TBC1D22A: variants seen among roughly 807,000 people sequenced by gnomAD.
TBC1D22A encodes putative GTPase activator.
TBC1D22A carries 38 observed loss-of-function variants against 60.2 expected under a neutral mutation model. That is an observed-to-expected ratio of 0.63 (90% CI 0.49 to 0.83). The LOEUF is 0.83. TBC1D22A is among the 40% of genes least tolerant of loss of function. TBC1D22A has a pLI of 0.00. For synonymous variants in TBC1D22A, 302 were observed against 281.7 expected, an observed-to-expected ratio of 1.07 and a Z score of -0.72; for missense variants, 628 against 701.0, an observed-to-expected ratio of 0.90 and a Z score of 1.18.
At chr22:46,810,287 G>A (rs755178593) in intron 4 of TBC1D22A, among the ~76,000 whole-genome samples, 4 of 152,116 alleles carry the variant, frequency 2.6e-5, no homozygotes, top group South Asian at 2.1e-4. Flanking sequence ...AATCTCCTTC[G>A]CTCCCGACCC....
At chr22:47,038,075 G>A (rs943915077) in intron 11 of TBC1D22A, among the ~76,000 whole-genome samples, 2 of 152,124 alleles carry the variant, frequency 1.3e-5, no homozygotes, top group African/African-American at 2.4e-5. Context: ...CATTTTGTTC[G>A]AGATGTTTGC....
chr22:46,946,058 TTGGC>T (rs1035797911), intron 8 of TBC1D22A, among the ~76,000 whole-genome samples: 3 of 152,250 alleles, frequency 2.0e-5, no homozygotes, highest in African/African-American at 7.2e-5. Context: ...CTGCACAGTA[TTGGC>T]TCTTATCGTT....
At chr22:46,956,793 G>T (rs2073219060) in intron 8 of TBC1D22A, among the ~76,000 whole-genome samples, 1 of 152,252 alleles carries the variant, frequency 6.6e-6, no homozygotes, top group Non-Finnish European at 1.5e-5. Flanking sequence ...GGCTTTAGGT[G>T]AGGCACTTCC....
At chr22:46,836,693 T>C (rs1490471190) in intron 4 of TBC1D22A, among the ~76,000 whole-genome samples, 1 of 151,970 alleles carries the variant, frequency 6.6e-6, no homozygotes, top group African/African-American at 2.4e-5. Flanking sequence ...AGTGACTGAA[T>C]AGATTAAAAA....
intron 8 of TBC1D22A, among the ~76,000 whole-genome samples, chr22:46,953,250 T>C (rs2073014924): frequency 6.6e-6 from 1 of 152,252 alleles, no homozygotes; most frequent in African/African-American, 2.4e-5. Context: ...TATGTTTTAT[T>C]GCTCAGATTG....
intron 11 of TBC1D22A, among the ~76,000 whole-genome samples, chr22:47,082,124 C>T (rs1156856695): frequency 4.6e-5 from 7 of 152,146 alleles, no homozygotes; most frequent in African/African-American, 7.2e-5. Context: ...CGCCACTGCA[C>T]TCCAGCCTGG....
At chr22:46,878,837 G>A (rs2067704180) in intron 5 of TBC1D22A, 114 bp downstream of exon 5, 1 of 940,794 alleles carries the variant, frequency 1.1e-6, no homozygotes, top group African/African-American at 1.6e-5. Context: ...TGGCTTTGTT[G>A]CAGTGATAAA....
At chr22:47,141,614 G>A (rs921309162) in intron 12 of TBC1D22A, among the ~76,000 whole-genome samples, 1 of 152,186 alleles carries the variant, frequency 6.6e-6, no homozygotes, top group Non-Finnish European at 1.5e-5. Context: ...ATGTCTTCCG[G>A]AAGGCCCTCC....
At chr22:46,816,571 T>A (rs530717314) in intron 4 of TBC1D22A, among the ~76,000 whole-genome samples, 1 of 152,274 alleles carries the variant, frequency 6.6e-6, no homozygotes, top group East Asian at 1.9e-4. Flanking sequence ...TGGGGCACAT[T>A]GTGTGTGAGG....
chr22:46,981,642 C>T (rs904792606), intron 9 of TBC1D22A, among the ~76,000 whole-genome samples: 1 of 152,200 alleles, frequency 6.6e-6, no homozygotes, highest in Non-Finnish European at 1.5e-5. Flanking sequence ...CTCCCTGCTG[C>T]CCTGCAAAGA....
intron 11 of TBC1D22A, among the ~76,000 whole-genome samples, chr22:47,038,188 A>G (rs1410536943): frequency 6.6e-6 from 1 of 152,244 alleles, no homozygotes; most frequent in East Asian, 1.9e-4. Flanking sequence ...ATCTCTACAG[A>G]GTGCTAAAGA....
chr22:46,847,932 TGTGTGTGTGTGTGTGTGTGTGTGCGC>T (rs1189572483), intron 4 of TBC1D22A, among the ~76,000 whole-genome samples: 35 of 123,570 alleles, frequency 2.8e-4, no homozygotes, highest in African/African-American at 1.2e-3. Flanking sequence ...TGTGTGTGTG[TGTGTGTGTGTGTGTGTGTGTGTGCGC>T]GCGCGCACGC....
chr22:47,113,236 C>A (rs1359198563), intron 12 of TBC1D22A, among the ~76,000 whole-genome samples: 5 of 152,184 alleles, frequency 3.3e-5, no homozygotes, highest in Admixed American at 3.3e-4. Flanking sequence ...TCCCGGAGAG[C>A]CTCCCAGGGG....
intron 4 of TBC1D22A, among the ~76,000 whole-genome samples, chr22:46,835,909 T>G (rs1025226156): frequency 2.6e-5 from 4 of 152,204 alleles, no homozygotes; most frequent in Admixed American, 2.6e-4. Context: ...ACTTTGTATG[T>G]CAGGAGTGAA....
chr22:46,943,495 C>T (rs937531512), intron 8 of TBC1D22A, among the ~76,000 whole-genome samples: 2 of 152,212 alleles, frequency 1.3e-5, no homozygotes, highest in Admixed American at 1.3e-4. Flanking sequence ...TGCTGGTCCG[C>T]CAGGACTGGA....
chr22:46,893,368 C>T (rs536814718), intron 6 of TBC1D22A, among the ~76,000 whole-genome samples: 76 of 152,270 alleles, frequency 5.0e-4, no homozygotes, highest in African/African-American at 1.7e-3. Context: ...TGGAGGGGTG[C>T]ACAGAGCCCC....
At position 47,028,358 on chromosome 22, in the gene TBC1D22A, G is replaced by GAATGAATCTGGTATGACC. The variant is rs1264919488; in HGVS notation, c.1202-8713_1202-8712insAATGAATCTGGTATGACC. 6.6e-6 allele frequency among the ~76,000 whole-genome samples: 1 copy of GAATGAATCTGGTATGACC among 151,136 alleles called. No individual in the cohort carries two copies. On this transcript the variant is annotated intron_variant, in intron 10 of 12. Transcript: ENST00000337137. This position sits in a 1 kb window ranked among gnomAD's most constrained non-coding sequence, Gnocchi z 4.4. ...TCGGTCCCTGTCCCCCACGGCCCAGGTTCTGAGAGTGAGTGGTCGCATTCC... is the reference window on the plus strand; with the variant it reads ...TCGGTCCCTGTCCCCCACGGCCCAGGAATGAATCTGGTATGACCTTCTGAGAGTGAGTGGTCGCATTCC...
chr22:46,972,617 G>C (rs146322946), intron 8 of TBC1D22A, among the ~76,000 whole-genome samples: 1 of 152,202 alleles, frequency 6.6e-6, no homozygotes, highest in African/African-American at 2.4e-5. Flanking sequence ...AGGCAGGTTC[G>C]TGGTTGCCAG....
At chr22:46,945,133 G>C (rs181854315) in intron 8 of TBC1D22A, among the ~76,000 whole-genome samples, 15 of 152,276 alleles carry the variant, frequency 9.9e-5, no homozygotes, top group African/African-American at 3.1e-4. Flanking sequence ...TCATCTTCTG[G>C]TCTCCTTGGA....
Sources: gnomAD v4.1 joint callset for allele counts (sites outside exome capture counted in the v4.1 genomes callset) on GRCh38, gnomAD v4.1.1 for gene constraint, Gnocchi (gnomAD v3.1) non-coding constraint, MANE v1.5 for transcripts, NCBI Gene and HGNC (gene_info 2026-07-23, HGNC 2026-07-21) for gene names.